ZCCHC7: variants seen among roughly 807,000 people sequenced by gnomAD.
The protein encoded by ZCCHC7 is zinc finger CCHC domain-containing protein 7.
Under a neutral mutation model 52.0 loss-of-function variants are expected in ZCCHC7, and 35 were observed. The observed-to-expected ratio is 0.67, with a 90% CI of 0.51 to 0.89. The LOEUF is 0.89. Ranked by LOEUF, ZCCHC7 falls within the 40% of genes least tolerant of loss-of-function variation. The probability of loss-of-function intolerance (pLI) is 0.00; values close to 1 mark genes in which losing one functional copy is unlikely to be tolerated. For synonymous variants in ZCCHC7, 217 were observed against 221.5 expected, an observed-to-expected ratio of 0.98 and a Z score of 0.18; for missense variants, 574 against 649.1, an observed-to-expected ratio of 0.88 and a Z score of 1.26.
At chr9:37,256,052 T>G (rs1486921409) in intron 2 of ZCCHC7, among the ~76,000 whole-genome samples, 4 of 152,188 alleles carry the variant, frequency 2.6e-5, no homozygotes, top group African/African-American at 9.6e-5. Flanking sequence ...GCATTCTACA[T>G]TGTTTCCAGC....
rs529950330 is a variant in ZCCHC7, at chr9:37,149,244, T to C, written c.610+22302T>C. Among the ~76,000 whole-genome samples the C allele has an allele frequency of 7.2e-5, 11 of 152,310 alleles. No homozygotes were observed. In the South Asian group the frequency reaches 2.3e-3, roughly 32 times the overall value. ...TGTTCCATAAATTGGGAGAAACTCATAAGGAATAAATAAGTACTCTTTAAT... is the reference window on the plus strand; with the variant it reads ...TGTTCCATAAATTGGGAGAAACTCACAAGGAATAAATAAGTACTCTTTAAT... On this transcript the variant is annotated intron_variant, in intron 2 of 8. Transcript: ENST00000336755.
chr9:37,168,916 G>A (rs1821576693), intron 2 of ZCCHC7, among the ~76,000 whole-genome samples: 1 of 152,098 alleles, frequency 6.6e-6, no homozygotes, highest in South Asian at 2.1e-4. Context: ...AGAAACCAGT[G>A]CATTAGATAA....
chr9:37,204,253 G>A (rs916063634), intron 2 of ZCCHC7, among the ~76,000 whole-genome samples: 3 of 152,100 alleles, frequency 2.0e-5, no homozygotes, highest in Admixed American at 6.5e-5. Flanking sequence ...CCATTCTGTA[G>A]GTTGTCTGTT....
chr9:37,320,883 T>C (rs1300113796), intron 5 of ZCCHC7, among the ~76,000 whole-genome samples: 1 of 152,180 alleles, frequency 6.6e-6, no homozygotes, highest in Non-Finnish European at 1.5e-5. Context: ...TTAATGTAGT[T>C]AACTAAGGTG....
chr9:37,317,261 G>T (rs1367472955), intron 5 of ZCCHC7, among the ~76,000 whole-genome samples: 3 of 152,194 alleles, frequency 2.0e-5, no homozygotes, highest in Non-Finnish European at 4.4e-5. Flanking sequence ...AATCTCTAAA[G>T]CCTAGAAGAT....
intron 3 of ZCCHC7, among the ~76,000 whole-genome samples, chr9:37,302,465 CCT>C (rs1829079738): frequency 6.6e-6 from 1 of 152,174 alleles, no homozygotes; most frequent in African/African-American, 2.4e-5. Context: ...TGCGGTGAGT[CCT>C]CTCAGCCCAT....
intron 2 of ZCCHC7, among the ~76,000 whole-genome samples, chr9:37,248,628 C>A (rs1826181764): frequency 6.6e-6 from 1 of 152,124 alleles, no homozygotes; most frequent in Non-Finnish European, 1.5e-5. Context: ...GTTTTGGATA[C>A]CTACTGCCTA....
chr9:37,275,824 A>G (rs997514074), intron 2 of ZCCHC7, among the ~76,000 whole-genome samples: 1 of 151,704 alleles, frequency 6.6e-6, no homozygotes, highest in African/African-American at 2.4e-5. Context: ...TTTTATTTTT[A>G]TTTTTAGTAG....
At chr9:37,310,263 G>T (rs1829528872) in intron 5 of ZCCHC7, among the ~76,000 whole-genome samples, 1 of 152,188 alleles carries the variant, frequency 6.6e-6, no homozygotes, top group African/African-American at 2.4e-5. Flanking sequence ...AAAGAATCCT[G>T]TTTCTGAATC....
intron 7 of ZCCHC7, 66 bp downstream of exon 7, chr9:37,349,518 C>A: frequency 1.4e-6 from 2 of 1,438,898 alleles, no homozygotes; most frequent in Non-Finnish European, 9.7e-7. Context: ...GAAAGATGAA[C>A]TCAAAAAGAA....
At chr9:37,167,405 T>C (rs1219345576) in intron 2 of ZCCHC7, among the ~76,000 whole-genome samples, 1 of 152,124 alleles carries the variant, frequency 6.6e-6, no homozygotes, top group Non-Finnish European at 1.5e-5. Context: ...CTTTCATCTC[T>C]AAAGTTTTAT....
intron 2 of ZCCHC7, among the ~76,000 whole-genome samples, chr9:37,233,908 C>T (rs1400685479): frequency 6.6e-6 from 1 of 152,186 alleles, no homozygotes; most frequent in Admixed American, 6.5e-5. Flanking sequence ...GGCTGGAGTG[C>T]AGTGGCACGA....
At chr9:37,121,690 C>T (rs1263865334) in intron 1 of ZCCHC7, 1 of 151,954 alleles carries the variant, frequency 6.6e-6, no homozygotes, top group Non-Finnish European at 1.5e-5. Flanking sequence ...ACTGCATGAC[C>T]GAAGGAAAAG....
chr9:37,179,512 A>T (rs1383806067), intron 2 of ZCCHC7, among the ~76,000 whole-genome samples: 2 of 152,202 alleles, frequency 1.3e-5, no homozygotes, highest in Non-Finnish European at 2.9e-5. Flanking sequence ...GCTGCAAATA[A>T]ATTTCAGTGG....
At chr9:37,153,464 C>A (rs563028874) in intron 2 of ZCCHC7, among the ~76,000 whole-genome samples, 9 of 152,208 alleles carry the variant, frequency 5.9e-5, no homozygotes, top group Non-Finnish European at 1.0e-4. Context: ...AGCCACCACA[C>A]CCTGCCTGTT....
chr9:37,236,424 C>G (rs1161115818), intron 2 of ZCCHC7, among the ~76,000 whole-genome samples: 6 of 142,818 alleles, frequency 4.2e-5, no homozygotes, highest in South Asian at 2.2e-4. Context: ...TTTTTTTTTG[C>G]TCTGTTGCCC....
chr9:37,287,217 G>A (rs1215908958), intron 2 of ZCCHC7, among the ~76,000 whole-genome samples: 1 of 149,714 alleles, frequency 6.7e-6, no homozygotes, highest in Non-Finnish European at 1.5e-5. Flanking sequence ...CTCTAGAAAA[G>A]TCTGTTAGTG....
chr9:37,261,052 GA>G (rs1826843693), intron 2 of ZCCHC7, among the ~76,000 whole-genome samples: 1 of 152,176 alleles, frequency 6.6e-6, no homozygotes, highest in Admixed American at 6.5e-5. Flanking sequence ...CTGGCTGCTT[GA>G]TATGGATGGC....
intron 6 of ZCCHC7, among the ~76,000 whole-genome samples, chr9:37,343,562 C>A (rs985887562): frequency 6.6e-6 from 1 of 152,200 alleles, no homozygotes; most frequent in African/African-American, 2.4e-5. Context: ...ATGAGAACTA[C>A]CTGTTATTTC....
Sources: allele counts gnomAD v4.1 joint callset (sites outside exome capture counted in the v4.1 genomes callset), GRCh38; gene constraint gnomAD v4.1.1; transcripts MANE v1.5; gene names NCBI Gene and HGNC (gene_info 2026-07-23, HGNC 2026-07-21).